CDH12: variants seen among roughly 807,000 people sequenced by gnomAD.
The protein encoded by CDH12 is cadherin-12.
A neutral mutation model predicts 74.1 loss-of-function variants in CDH12; 41 were observed. The ratio of observed to expected loss-of-function variants is 0.55; its 90% confidence interval spans 0.43 to 0.72. The LOEUF (loss-of-function observed/expected upper bound fraction) is 0.72, where lower values mean the gene tolerates loss of function less well. Among genes scored for constraint, CDH12 ranks in the 30% least tolerant of loss-of-function variants. The pLI, the probability that CDH12 is intolerant of heterozygous loss-of-function variation, is 0.00. For missense variants in CDH12, 945 were observed against 977.2 expected (o/e 0.97, Z 0.44); for synonymous variants, 399 against 355.0 (o/e 1.12, Z -1.39).
intron 8 of CDH12, among the ~76,000 whole-genome samples, chr5:21,820,033 G>A (rs1748278662): frequency 6.6e-6 from 1 of 151,898 alleles, no homozygotes; most frequent in South Asian, 2.1e-4. Context: ...CCTCTCTAAT[G>A]GATTATGGTT....
At chr5:22,077,146 G>A (rs1742388577) in intron 5 of CDH12, among the ~76,000 whole-genome samples, 1 of 151,740 alleles carries the variant, frequency 6.6e-6, no homozygotes, top group African/African-American at 2.4e-5. Context: ...GATTTGATTT[G>A]GGGTGACTCA....
At chr5:22,685,466 G>A (rs1024428784) in intron 1 of CDH12, among the ~76,000 whole-genome samples, 1 of 152,140 alleles carries the variant, frequency 6.6e-6, no homozygotes, top group Non-Finnish European at 1.5e-5. Flanking sequence ...TCGATCTCCT[G>A]ACCTCGTGAT....
chr5:22,181,800 ATCTC>A (rs767454644), intron 4 of CDH12, among the ~76,000 whole-genome samples: 5 of 151,174 alleles, frequency 3.3e-5, no homozygotes, highest in African/African-American at 9.7e-5. Flanking sequence ...GTCATCCTTG[ATCTC>A]TCTCTCTCTC....
Position 22,829,083 on chromosome 5 carries a change from C to A in CDH12, c.-523+23975G>T, listed in dbSNP as rs181770928. ...TTGAATAAACTGAAGGAAGTTTGGTCAATTTCATAATTCATTTTCCATAGA... is the reference window on the plus strand; with the variant it reads ...TTGAATAAACTGAAGGAAGTTTGGTAAATTTCATAATTCATTTTCCATAGA... On this transcript the variant is annotated intron_variant, in intron 1 of 14. Coordinates refer to ENST00000382254, the MANE Select transcript of CDH12 (RefSeq NM_004061.5). 4.8e-3 allele frequency among the ~76,000 whole-genome samples: 723 copies of A among 152,176 alleles called. 5 individuals are homozygous for A. The highest frequency in any genetic ancestry group is 0.017 in the African/African-American group (702 of 41,528).
chr5:22,683,272 T>G (rs1385820553), intron 1 of CDH12, among the ~76,000 whole-genome samples: 4 of 152,144 alleles, frequency 2.6e-5, no homozygotes, highest in Non-Finnish European at 1.5e-5. Context: ...AAATCCCACA[T>G]AATGGATCTT....
At chr5:22,785,867 AG>A (rs1747597586) in intron 1 of CDH12, among the ~76,000 whole-genome samples, 1 of 152,100 alleles carries the variant, frequency 6.6e-6, no homozygotes, top group African/African-American at 2.4e-5. Context: ...ACACTGTTTT[AG>A]GGGGTGTAAA....
chr5:22,696,370 C>CAAAAAAAAAA (rs1313736569), intron 1 of CDH12, among the ~76,000 whole-genome samples: 5 of 96,514 alleles, frequency 5.2e-5, no homozygotes, highest in African/African-American at 2.2e-4. Context: ...GACTCCGTCT[C>CAAAAAAAAAA]AAAAAAAAAA....
chr5:22,094,185 C>T lies in CDH12; in HGVS notation c.-186-15323G>A, dbSNP rs549925389. On this transcript the variant is annotated intron_variant, in intron 4 of 14. Transcript: ENST00000382254. The stretch of plus-strand genomic sequence containing the variant: ...CACAAAGGCAGCACACTCCTTTAAA[C>T]ATTCCAGGAAGCAGTGAACATGGGG... 9.9e-5 allele frequency among the ~76,000 whole-genome samples: 15 copies of T among 152,250 alleles called. 3 individuals are homozygous for T. The highest frequency in any genetic ancestry group is 3.4e-4 in the African/African-American group (14 of 41,546).
At position 21,751,772 on chromosome 5, in the gene CDH12, C is replaced by A. The variant is rs754245616; in HGVS notation, c.2350G>T (p.Glu784Ter). ...TTATCAGGGTTATAACTCTCTTCTT[C>A]GCCAAACATGTCTGCCAAGACTTTA... ...RFKVLADMFG[E>*]EESYNPDKVT is the part of the protein sequence containing the mutation. The change falls in exon 15 of 15, where the codon GAA (glutamate) becomes TAA (stop). Residue 784 changes from glutamate to a stop codon, truncating the protein, a stop_gained. Transcript: ENST00000382254. LOFTEE classifies it high-confidence loss of function. The A allele has an allele frequency of 6.2e-7, 1 of 1,613,884 alleles. No homozygotes were observed. The highest frequency in any genetic ancestry group is 1.7e-5 in the Admixed American group (1 of 59,976).
intron 1 of CDH12, among the ~76,000 whole-genome samples, chr5:22,530,537 C>T (rs1580738222): frequency 1.3e-5 from 2 of 152,136 alleles, no homozygotes; most frequent in Admixed American, 6.5e-5. Context: ...CTTTAAAGTG[C>T]AATTCCTTTT....
At chr5:22,244,312 A>G (rs1385507456) in intron 3 of CDH12, among the ~76,000 whole-genome samples, 1 of 151,820 alleles carries the variant, frequency 6.6e-6, no homozygotes, top group African/African-American at 2.4e-5. Context: ...TAACATGGTG[A>G]AACCCTTTCT....
intron 4 of CDH12, among the ~76,000 whole-genome samples, chr5:22,108,953 T>C (rs1372275957): frequency 6.6e-6 from 1 of 152,212 alleles, no homozygotes; most frequent in Non-Finnish European, 1.5e-5. Flanking sequence ...ACTATTTTTA[T>C]ACTTTACAAT....
intron 1 of CDH12, among the ~76,000 whole-genome samples, chr5:22,802,367 G>A (rs533117305): frequency 4.6e-5 from 7 of 152,044 alleles, no homozygotes; most frequent in East Asian, 1.9e-4. Flanking sequence ...TGATCCGCCC[G>A]CCTCAGCCTC....
At chr5:22,850,764 G>A (rs916356972) in intron 1 of CDH12, among the ~76,000 whole-genome samples, 1 of 152,094 alleles carries the variant, frequency 6.6e-6, no homozygotes, top group Non-Finnish European at 1.5e-5. Context: ...GAGTCTGCTA[G>A]TAGGTCATTT....
At chr5:22,732,833 C>T (rs1744502521) in intron 1 of CDH12, among the ~76,000 whole-genome samples, 1 of 151,852 alleles carries the variant, frequency 6.6e-6, no homozygotes, top group South Asian at 2.1e-4. Flanking sequence ...AGACTTCCTG[C>T]CCCAGAACTG....
intron 5 of CDH12, among the ~76,000 whole-genome samples, chr5:22,061,625 G>A (rs1741192854): frequency 6.6e-6 from 1 of 151,932 alleles, no homozygotes; most frequent in South Asian, 2.1e-4. Flanking sequence ...CTTATCACCT[G>A]GTATAATATA....
chr5:22,360,593 T>C (rs1320592856), intron 3 of CDH12, among the ~76,000 whole-genome samples: 1 of 152,100 alleles, frequency 6.6e-6, no homozygotes, highest in Non-Finnish European at 1.5e-5. Context: ...GCCAGCATCA[T>C]CCTGATACCA....
At chr5:21,922,768 G>A (rs1754410201) in intron 6 of CDH12, among the ~76,000 whole-genome samples, 1 of 152,092 alleles carries the variant, frequency 6.6e-6, no homozygotes, top group South Asian at 2.1e-4. Flanking sequence ...GAGAGACTAA[G>A]ATATAGAAAA....
intron 12 of CDH12, among the ~76,000 whole-genome samples, chr5:21,764,360 C>T (rs540825037): frequency 3.3e-5 from 5 of 151,312 alleles, no homozygotes; most frequent in South Asian, 4.2e-4. Context: ...GGTGACAGAG[C>T]GAGACTCTGT....
Sources: gnomAD v4.1 joint callset for allele counts (sites outside exome capture counted in the v4.1 genomes callset) on GRCh38, gnomAD v4.1.1 for gene constraint, MANE v1.5 for transcripts, NCBI Gene and HGNC (gene_info 2026-07-23, HGNC 2026-07-21) for gene names.